Variants in ZNF385D observed in about 807,000 individuals in gnomAD.
ZNF385D encodes the protein zinc finger protein 659.
ZNF385D carries 15 observed loss-of-function variants against 35.8 expected under a neutral mutation model. That is an observed-to-expected ratio of 0.42 (90% confidence interval 0.28 to 0.64). ZNF385D has a LOEUF of 0.64. ZNF385D is among the 30% of genes least tolerant of loss of function. The pLI is 0.23. For missense variants in ZNF385D, 474 were observed against 494.6 expected (o/e 0.96, Z 0.39); for synonymous variants, 212 against 186.8 (o/e 1.13, Z -1.10).
At chr3:21,485,470 C>A (rs542066843) in intron 4 of ZNF385D, among the ~76,000 whole-genome samples, 14 of 152,122 alleles carry the variant, frequency 9.2e-5, no homozygotes, top group Admixed American at 3.9e-4. Flanking sequence ...ACCTTTCTGG[C>A]ACATCAAGGG....
At chr3:22,094,730 T>C (rs1399128065) in intron 3 of ZNF385D, among the ~76,000 whole-genome samples, 2 of 151,892 alleles carry the variant, frequency 1.3e-5, no homozygotes, top group East Asian at 3.9e-4. Flanking sequence ...GTTACTGAGG[T>C]GGCCACACTG....
chr3:21,688,617 T>C (rs1219953403), intron 1 of ZNF385D, among the ~76,000 whole-genome samples: 6 of 152,176 alleles, frequency 3.9e-5, no homozygotes, highest in African/African-American at 1.4e-4. Context: ...TCTGTTCCCA[T>C]AGTGCATGGA....
intron 4 of ZNF385D, among the ~76,000 whole-genome samples, chr3:21,487,539 A>G (rs562808615): frequency 6.6e-6 from 1 of 152,250 alleles, no homozygotes; most frequent in Admixed American, 6.6e-5. Context: ...TTCCAAATGC[A>G]ATCACACACC....
chr3:22,001,724 C>T (rs569022777), intron 3 of ZNF385D, among the ~76,000 whole-genome samples: 1 of 136,202 alleles, frequency 7.3e-6, no homozygotes, highest in African/African-American at 3.0e-5. Context: ...ATATGTTAGG[C>T]CACAAAATAA....
At chr3:21,444,617 C>A (rs1702048702) in intron 4 of ZNF385D, among the ~76,000 whole-genome samples, 2 of 151,792 alleles carry the variant, frequency 1.3e-5, no homozygotes, top group South Asian at 4.2e-4. Flanking sequence ...GAATGCTTGA[C>A]CTCAAATGAC....
chr3:22,286,496 C>T (rs1702031414), intron 2 of ZNF385D, among the ~76,000 whole-genome samples: 1 of 151,958 alleles, frequency 6.6e-6, no homozygotes, highest in Admixed American at 6.6e-5. Flanking sequence ...TGTTAGATTG[C>T]TCATTTGAGA....
At chr3:21,833,760 A>C (rs779491268) in intron 3 of ZNF385D, among the ~76,000 whole-genome samples, 12 of 152,188 alleles carry the variant, frequency 7.9e-5, no homozygotes, top group Non-Finnish European at 1.5e-4. Context: ...ACAATAACCC[A>C]ATCAATTAAT....
intron 3 of ZNF385D, among the ~76,000 whole-genome samples, chr3:22,114,981 G>A (rs565998900): frequency 2.6e-5 from 4 of 152,020 alleles, no homozygotes; most frequent in Non-Finnish European, 5.9e-5. Context: ...TCTTTGACTT[G>A]GCAGCCTCCA....
At position 21,620,944 on chromosome 3, in the gene ZNF385D, G is replaced by A. The variant is rs886719846; in HGVS notation, c.165+43942C>T. On this transcript the variant is annotated intron_variant, in intron 2 of 7. Coordinates refer to ENST00000281523, the MANE Select transcript of ZNF385D (RefSeq NM_024697.3). Reference sequence around the variant, plus strand: ...AAATTAAACACTGTAGGTAAGCAACGCTATGTGCCTGTGTGCTTATACTGT... The same window carrying A: ...AAATTAAACACTGTAGGTAAGCAACACTATGTGCCTGTGTGCTTATACTGT... Among the ~76,000 whole-genome samples, 16 of 152,140 alleles carry A rather than the reference G, an allele frequency of 1.1e-4. No individual in the cohort carries two copies. In the East Asian group the frequency reaches 1.2e-3, roughly 11 times the overall value.
chr3:22,199,710 A>G (rs1231417857), intron 2 of ZNF385D, among the ~76,000 whole-genome samples: 2 of 152,158 alleles, frequency 1.3e-5, no homozygotes, highest in African/African-American at 4.8e-5. Context: ...AATTTCCTAA[A>G]GCAGCATACC....
chr3:21,840,600 T>C (rs1273476082), intron 3 of ZNF385D, among the ~76,000 whole-genome samples: 11 of 152,026 alleles, frequency 7.2e-5, no homozygotes, highest in Non-Finnish European at 1.5e-4. Flanking sequence ...GGCATATGAA[T>C]GCATTTGGGA....
intron 3 of ZNF385D, among the ~76,000 whole-genome samples, chr3:22,132,420 T>C (rs754821364): frequency 5.3e-5 from 8 of 152,248 alleles, no homozygotes; most frequent in East Asian, 1.9e-4. Flanking sequence ...CAGTTTATGA[T>C]ATTTTGTAAT....
chr3:22,015,371 C>G (rs1186292636), intron 3 of ZNF385D, among the ~76,000 whole-genome samples: 1 of 152,176 alleles, frequency 6.6e-6, no homozygotes, highest in Non-Finnish European at 1.5e-5. Flanking sequence ...TAAACCCTCT[C>G]ATATCATGAA....
intron 4 of ZNF385D, among the ~76,000 whole-genome samples, chr3:21,466,428 C>G (rs1357252499): frequency 6.6e-6 from 1 of 152,114 alleles, no homozygotes; most frequent in African/African-American, 2.4e-5. Flanking sequence ...CCTCATTTGG[C>G]TAATGTGTAC....
chr3:22,371,183 T>C (rs551327843), intron 2 of ZNF385D, among the ~76,000 whole-genome samples: 50 of 152,294 alleles, frequency 3.3e-4, no homozygotes, highest in African/African-American at 1.2e-3. Context: ...ATTACCAGCA[T>C]AGGCCAACGA....
rs1700551760 is a variant in ZNF385D, at chr3:21,415,585, A to G, written c.*5629T>C. ...GACAGGTACTAAGACTCATATTTTTACAATTCTGTATGTGTGTGCGTATAT... is the reference window on the plus strand; with the variant it reads ...GACAGGTACTAAGACTCATATTTTTGCAATTCTGTATGTGTGTGCGTATAT... On this transcript the variant is annotated 3_prime_UTR_variant, in exon 8 of 8. Transcript: ENST00000281523. The G allele has an allele frequency of 6.6e-6, 1 of 152,120 alleles. No individual in the cohort carries two copies. 9.4% of individuals were successfully genotyped at this position (152,120 alleles called of 1,614,324 possible). A position where few individuals can be genotyped will look rare whatever the true frequency, so the allele number is the denominator to read the frequency against.
rs9835200 is a variant in ZNF385D at position 21,599,802 on chromosome 3, G to A, written c.166-35118C>T. ...ATGGAGACTGGACTGCACTGGCAGA[G>A]GACACTCCTGTTGTAGGCATGTGAA... is the stretch of plus-strand genomic sequence containing the variant. On this transcript the variant is annotated intron_variant, in intron 2 of 7. Coordinates refer to ENST00000281523, the MANE Select transcript of ZNF385D (RefSeq NM_024697.3). Among the ~76,000 whole-genome samples the A allele has an allele frequency of 3.5e-3, 529 of 152,298 alleles. 4 individuals are homozygous for A. Among genetic ancestry groups the A allele is most frequent in the African/African-American group, 0.012 (498 of 41,566 alleles).
At chr3:21,914,016 TTG>T (rs552843284) in intron 3 of ZNF385D, among the ~76,000 whole-genome samples, 261 of 152,254 alleles carry the variant, frequency 1.7e-3, no homozygotes, top group African/African-American at 6.1e-3. Flanking sequence ...AGGCTCATGC[TTG>T]TGAGGCAGCT....
At chr3:22,079,916 A>G (rs1293243627) in intron 3 of ZNF385D, among the ~76,000 whole-genome samples, 1 of 151,838 alleles carries the variant, frequency 6.6e-6, no homozygotes, top group Non-Finnish European at 1.5e-5. Flanking sequence ...ATGTATGTAT[A>G]TGTGTGTACA....
Sources: gnomAD v4.1 joint callset for allele counts (sites outside exome capture counted in the v4.1 genomes callset) on GRCh38, gnomAD v4.1.1 for gene constraint, MANE v1.5 for transcripts, NCBI Gene and HGNC (gene_info 2026-07-23, HGNC 2026-07-21) for gene names.